Variants in LAMC1 observed in about 807,000 individuals in gnomAD.
LAMC1 encodes laminin subunit gamma-1.
LAMC1 carries 38 observed loss-of-function variants against 173.6 expected under a neutral mutation model. The observed-to-expected ratio is 0.22, with a 90% CI of 0.17 to 0.29. The LOEUF (loss-of-function observed/expected upper bound fraction) is 0.29, where lower values mean the gene tolerates loss of function less well. Among genes scored for constraint, LAMC1 ranks in the 10% least tolerant of loss-of-function variants. The pLI, the probability that LAMC1 is intolerant of heterozygous loss-of-function variation, is 1.00. For missense variants in LAMC1, 1,824 were observed against 2,051.8 expected (o/e 0.89, Z 2.14); for synonymous variants, 746 against 749.1 (o/e 1.00, Z 0.07).
chr1:183,108,918 C>G (rs1346731109), intron 3 of LAMC1, among the ~76,000 whole-genome samples: 1 of 152,222 alleles, frequency 6.6e-6, no homozygotes, highest in Non-Finnish European at 1.5e-5. Context: ...CAGATGGCAT[C>G]TAAGCTGGGT....
chr1:183,083,775 T>C lies in LAMC1; in HGVS notation c.419-19553T>C, dbSNP rs545887630. Among the ~76,000 whole-genome samples the C allele has an allele frequency of 3.9e-5, 6 of 152,352 alleles. No homozygotes were observed. In the South Asian group the frequency reaches 6.2e-4, roughly 16 times the overall value. ...ACATTCTTAACATTTTACGGGACAA[T>C]TTTATTCCAGTTTTTTTACATACAT... is the stretch of plus-strand genomic sequence containing the variant. On this transcript the variant is annotated intron_variant, in intron 1 of 27. Coordinates refer to ENST00000258341, the MANE Select transcript of LAMC1 (RefSeq NM_002293.4).
At chr1:183,094,220 A>G (rs999577466) in intron 1 of LAMC1, among the ~76,000 whole-genome samples, 1 of 151,964 alleles carries the variant, frequency 6.6e-6, no homozygotes, top group African/African-American at 2.4e-5. Flanking sequence ...TGCACTTGCC[A>G]TTCCTGGAAT....
intron 1 of LAMC1, among the ~76,000 whole-genome samples, chr1:183,076,324 G>C (rs1404194284): frequency 1.3e-5 from 2 of 152,134 alleles, no homozygotes; most frequent in Non-Finnish European, 1.5e-5. Flanking sequence ...CTTTATCCCT[G>C]AGTAGGGAAG....
chr1:183,130,604 G>T, intron 19 of LAMC1, 55 bp downstream of exon 19: 1 of 1,415,404 alleles, frequency 7.1e-7, no homozygotes, highest in Non-Finnish European at 1.0e-6. Flanking sequence ...GGGGTTTGTA[G>T]CAAGTCTGTT....
At chr1:183,072,078 G>A (rs576683779) in intron 1 of LAMC1, among the ~76,000 whole-genome samples, 1 of 152,304 alleles carries the variant, frequency 6.6e-6, no homozygotes, top group South Asian at 2.1e-4. Context: ...TATGCCTTGT[G>A]AAACATATTT....
Position 183,121,891 on chromosome 1 carries a change from C to T in LAMC1, c.2159C>T (p.Pro720Leu), listed in dbSNP as rs1656485044. 1 of 1,614,056 alleles carries T rather than the reference C, an allele frequency of 6.2e-7. No individual in the cohort carries two copies. The highest frequency in any genetic ancestry group is 8.5e-7 in the Non-Finnish European group (1 of 1,180,034). Residue 720 changes from proline to leucine, a missense_variant, in exon 12 of 28, where the codon CCA (proline) becomes CTA (leucine). Coordinates refer to ENST00000258341, the MANE Select transcript of LAMC1 (RefSeq NM_002293.4). Reference protein sequence around the residue: ...RETPNLGPYSPCVLCACNGHS... With the variant: ...RETPNLGPYSLCVLCACNGHS... ...ACTCCTAATCTTGGACCATACAGTC[C>T]ATGTGTGCTTTGCGCCTGCAATGGA...
At chr1:183,064,865 C>A (rs550763724) in intron 1 of LAMC1, among the ~76,000 whole-genome samples, 7 of 152,048 alleles carry the variant, frequency 4.6e-5, no homozygotes, top group Non-Finnish European at 1.0e-4. Context: ...GGAGCCTATC[C>A]CAGCAGCTCA....
chr1:183,072,125 A>G (rs1219026569), intron 1 of LAMC1, among the ~76,000 whole-genome samples: 1 of 152,240 alleles, frequency 6.6e-6, no homozygotes, highest in African/African-American at 2.4e-5. Context: ...GAACTGTTTG[A>G]TTTGGAGCTA....
intron 1 of LAMC1, among the ~76,000 whole-genome samples, chr1:183,037,834 C>G (rs1654022987): frequency 6.6e-6 from 1 of 152,096 alleles, no homozygotes; most frequent in African/African-American, 2.4e-5. Flanking sequence ...CCACCACACT[C>G]TACCACTACT....
chr1:183,095,140 C>T (rs565868621), intron 1 of LAMC1, among the ~76,000 whole-genome samples: 49 of 152,160 alleles, frequency 3.2e-4, no homozygotes, highest in Non-Finnish European at 6.2e-4. Context: ...CCACCGCGCC[C>T]GGTGGATTAG....
intron 9 of LAMC1, 39 bp from the exon 10 acceptor site, chr1:183,117,495 A>G: frequency 1.2e-6 from 2 of 1,611,746 alleles, no homozygotes; most frequent in South Asian, 1.1e-5. Flanking sequence ...GTTTAGTCTC[A>G]GTCTCACATT....
At chr1:183,047,468 A>C (rs2102020118) in intron 1 of LAMC1, among the ~76,000 whole-genome samples, 1 of 152,304 alleles carries the variant, frequency 6.6e-6, no homozygotes, top group Admixed American at 6.5e-5. Context: ...TCTCTTCAAA[A>C]CTGTCTAACG....
chr1:183,075,098 G>A (rs1438067141), intron 1 of LAMC1, among the ~76,000 whole-genome samples: 1 of 149,750 alleles, frequency 6.7e-6, no homozygotes, highest in Non-Finnish European at 1.5e-5. Context: ...AAAGAAAAGG[G>A]TTACCTCAGA....
intron 2 of LAMC1, among the ~76,000 whole-genome samples, chr1:183,107,656 C>G (rs1385853547): frequency 6.6e-6 from 1 of 152,048 alleles, no homozygotes; most frequent in Non-Finnish European, 1.5e-5. Context: ...CGGTGAAACC[C>G]TGTCTCTACT....
rs1252647289 is a variant in LAMC1 at position 183,145,028 on chromosome 1, A to G, written c.*2238A>G. The G allele has an allele frequency of 6.6e-6, 1 of 152,106 alleles. No individual in the cohort carries two copies. Among genetic ancestry groups the G allele is most frequent in the African/African-American group, 2.4e-5 (1 of 41,416 alleles). 9.4% of individuals were successfully genotyped at this position (152,106 alleles called of 1,614,324 possible). On this transcript the variant is annotated 3_prime_UTR_variant, in exon 28 of 28. Transcript: ENST00000258341. ...CACGTCATTGTTTCCTGGCTAGTTC[A>G]TTTCATTAAGTGGCTACATCCTAAC...
At chr1:183,080,308 GT>G (rs1655237032) in intron 1 of LAMC1, among the ~76,000 whole-genome samples, 1 of 152,170 alleles carries the variant, frequency 6.6e-6, no homozygotes, top group Non-Finnish European at 1.5e-5. Context: ...TGCTGTTTAA[GT>G]TATCACAGTT....
At chr1:183,112,106 T>A (rs10752899) in intron 4 of LAMC1, among the ~76,000 whole-genome samples, 2 of 151,968 alleles carry the variant, frequency 1.3e-5, no homozygotes, top group Non-Finnish European at 2.9e-5. Context: ...CTTAACTCAC[T>A]ACTGTTTCCA....
At chr1:183,080,119 G>T (rs1163147495) in intron 1 of LAMC1, among the ~76,000 whole-genome samples, 1 of 152,114 alleles carries the variant, frequency 6.6e-6, no homozygotes, top group African/African-American at 2.4e-5. Flanking sequence ...TGGTGCACAT[G>T]TGTAATCCCA....
intron 1 of LAMC1, among the ~76,000 whole-genome samples, chr1:183,038,180 C>T (rs1323532706): frequency 6.6e-6 from 1 of 151,968 alleles, no homozygotes; most frequent in Non-Finnish European, 1.5e-5. Context: ...GGACTACACG[C>T]GTGGGCCACC....
Sources: gnomAD v4.1 joint callset for allele counts (sites outside exome capture counted in the v4.1 genomes callset) on GRCh38, gnomAD v4.1.1 for gene constraint, MANE v1.5 for transcripts, NCBI Gene and HGNC (gene_info 2026-07-23, HGNC 2026-07-21) for gene names.